Variants in TCF12 observed in about 807,000 individuals in gnomAD.
TCF12 encodes DNA-binding protein HTF4.
A neutral mutation model predicts 86.0 loss-of-function variants in TCF12; 45 were observed. The observed-to-expected ratio is 0.52, with a 90% CI of 0.41 to 0.67. The LOEUF is 0.67. Among genes scored for constraint, TCF12 ranks in the 30% least tolerant of loss-of-function variants. TCF12 has a pLI of 0.00. For missense variants in TCF12, 881 were observed against 859.9 expected (o/e 1.02, Z -0.31); for synonymous variants, 330 against 299.6 (o/e 1.10, Z -1.05).
intron 20 of TCF12, among the ~76,000 whole-genome samples, chr15:57,283,945 C>T (rs957715185): frequency 1.3e-5 from 2 of 152,080 alleles, no homozygotes; most frequent in Non-Finnish European, 2.9e-5. Context: ...GCAGTTATTT[C>T]GTAAGTCAGT....
At chr15:57,159,036 T>C (rs1420279905) in intron 5 of TCF12, among the ~76,000 whole-genome samples, 1 of 152,236 alleles carries the variant, frequency 6.6e-6, no homozygotes. Context: ...TTTTAGATTC[T>C]TTTTCTGTAC....
At chr15:56,941,774 A>C in intron 3 of TCF12, among the ~76,000 whole-genome samples, 1 of 151,682 alleles carries the variant, frequency 6.6e-6, no homozygotes, top group East Asian at 1.9e-4. Context: ...CGGAAAAAGC[A>C]TCTCTTGAAG....
Position 57,289,164 on chromosome 15 carries a change from C to G in TCF12, c.*3019C>G, listed in dbSNP as rs2062024733. 6.6e-6 allele frequency: 1 copy of G among 152,172 alleles called. No homozygotes were observed. Among genetic ancestry groups the G allele is most frequent in the African/African-American group, 2.4e-5 (1 of 41,428 alleles). The allele number at this position is 152,172 out of a possible 1,614,324, so 9.4% of individuals were successfully genotyped here. A position where few individuals can be genotyped will look rare whatever the true frequency, so the allele number is the denominator to read the frequency against. ...CTTGGTATGCTGGCAGATTGCTTCTCTTGGTGAATTATGAAATCCACTGTT... is the reference window on the plus strand; with the variant it reads ...CTTGGTATGCTGGCAGATTGCTTCTGTTGGTGAATTATGAAATCCACTGTT... On this transcript the variant is annotated 3_prime_UTR_variant, in exon 21 of 21. Transcript: ENST00000333725.
chr15:57,010,957 A>G (rs2064795045), intron 3 of TCF12, among the ~76,000 whole-genome samples: 1 of 152,172 alleles, frequency 6.6e-6, no homozygotes. Context: ...AAAAATTTTT[A>G]CGAGTTGGAA....
chr15:57,232,691 A>T (rs1306223616), intron 10 of TCF12, 21 bp from the exon 11 acceptor site: 2 of 1,605,542 alleles, frequency 1.2e-6, no homozygotes, highest in Non-Finnish European at 1.7e-6. Context: ...TATTTAATAG[A>T]TCATATCTCT....
At chr15:57,126,837 T>C (rs2051687992) in intron 5 of TCF12, among the ~76,000 whole-genome samples, 1 of 152,200 alleles carries the variant, frequency 6.6e-6, no homozygotes, top group South Asian at 2.1e-4. Flanking sequence ...ATTATCAAGA[T>C]TCTTTGTAAT....
intron 3 of TCF12, among the ~76,000 whole-genome samples, chr15:56,937,097 T>G (rs938528693): frequency 1.3e-5 from 2 of 152,292 alleles, no homozygotes; most frequent in East Asian, 1.9e-4. Context: ...CTGCCATGAT[T>G]CATCTGTGAG....
At chr15:57,102,704 G>A (rs1469915427) in intron 5 of TCF12, among the ~76,000 whole-genome samples, 4 of 152,072 alleles carry the variant, frequency 2.6e-5, no homozygotes, top group Non-Finnish European at 5.9e-5. Context: ...TGGTTGTAGT[G>A]GTGAATTATT....
chr15:56,986,551 TGG>T (rs1292476666), intron 3 of TCF12, among the ~76,000 whole-genome samples: 1 of 152,162 alleles, frequency 6.6e-6, no homozygotes, highest in Non-Finnish European at 1.5e-5. Flanking sequence ...CTATTTATTA[TGG>T]CAGAAACCAG....
At chr15:57,067,488 C>G (rs1596366324) in intron 4 of TCF12, among the ~76,000 whole-genome samples, 11 of 143,090 alleles carry the variant, frequency 7.7e-5, no homozygotes, top group South Asian at 2.3e-4. Context: ...CGCAGTGAGC[C>G]AGATCCCGCC....
intron 3 of TCF12, among the ~76,000 whole-genome samples, chr15:56,935,864 T>C (rs1220079152): frequency 6.6e-6 from 1 of 152,208 alleles, no homozygotes; most frequent in Non-Finnish European, 1.5e-5. Flanking sequence ...GATTCTATCA[T>C]GTATATATAT....
At chr15:57,010,581 CTT>C (rs1431696200) in intron 3 of TCF12, among the ~76,000 whole-genome samples, 3 of 152,118 alleles carry the variant, frequency 2.0e-5, no homozygotes, top group African/African-American at 7.2e-5. Flanking sequence ...GAGCTGATCT[CTT>C]TTGTAGGAGG....
rs76014583 is a variant in TCF12, at chr15:57,026,112, C to T, written c.149-37638C>T. The stretch of plus-strand genomic sequence containing the variant: ...ATAGGAAAATTCTTTTTGGAAAGGA[C>T]CAGGTAAACATTGTGGGCTTTGTGT... On this transcript the variant is annotated intron_variant, in intron 3 of 20. Transcript: ENST00000333725. 8.3e-3 allele frequency among the ~76,000 whole-genome samples: 1,265 copies of T among 152,304 alleles called. 9 individuals carry two copies. The highest frequency in any genetic ancestry group is 0.014 in the Non-Finnish European group (954 of 68,032).
At chr15:57,071,670 C>T (rs1167415906) in intron 4 of TCF12, among the ~76,000 whole-genome samples, 1 of 152,164 alleles carries the variant, frequency 6.6e-6, no homozygotes, top group African/African-American at 2.4e-5. Context: ...AACTTCTTAA[C>T]TCTTTTAAGA....
intron 3 of TCF12, among the ~76,000 whole-genome samples, chr15:56,979,035 A>T (rs1372024359): frequency 6.6e-6 from 1 of 152,158 alleles, no homozygotes; most frequent in Non-Finnish European, 1.5e-5. Context: ...CACTTGAGTT[A>T]TTTAGTCTGT....
chr15:57,013,900 A>G (rs1263141528), intron 3 of TCF12, among the ~76,000 whole-genome samples: 2 of 152,244 alleles, frequency 1.3e-5, no homozygotes, highest in Non-Finnish European at 2.9e-5. Context: ...AGTGAAATCT[A>G]AATACCCTAG....
chr15:57,104,435 CTTTTTTTTTTTT>C (rs71113062), intron 5 of TCF12, among the ~76,000 whole-genome samples: 7 of 103,362 alleles, frequency 6.8e-5, no homozygotes, highest in African/African-American at 1.4e-4. Context: ...TTTTTTTTTT[CTTTTTTTTTTTT>C]TTTTTTTTTT....
chr15:56,997,202 A>G (rs905019192), intron 3 of TCF12, among the ~76,000 whole-genome samples: 7 of 152,246 alleles, frequency 4.6e-5, no homozygotes, highest in African/African-American at 1.7e-4. Context: ...TCTTCACAAG[A>G]GCAAAGACAT....
In TCF12 at chr15:57,047,834, G is replaced by C. The variant is rs1400177309; in HGVS notation, c.149-15916G>C. ...TTCATTCTATTGCTAACATCATAAA[G>C]AGTACAGTGCCTACACAAACTTAGA... On this transcript the variant is annotated intron_variant, in intron 3 of 20. Coordinates refer to ENST00000333725, the MANE Select transcript of TCF12 (RefSeq NM_207037.2). Among the ~76,000 whole-genome samples, 5 of 152,278 alleles carry C rather than the reference G, an allele frequency of 3.3e-5. No homozygotes were observed. In the East Asian group the frequency reaches 9.7e-4, roughly 29 times the overall value.
Sources: allele counts gnomAD v4.1 joint callset (sites outside exome capture counted in the v4.1 genomes callset), GRCh38; gene constraint gnomAD v4.1.1; transcripts MANE v1.5; gene names NCBI Gene and HGNC (gene_info 2026-07-23, HGNC 2026-07-21).